Variants in PRSS35 observed in about 807,000 individuals in gnomAD.
The protein encoded by PRSS35 is inactive serine protease 35.
A neutral mutation model predicts 8.1 loss-of-function variants in PRSS35; 7 were observed. The observed-to-expected ratio is 0.86, with a 90% CI of 0.49 to 1.62. PRSS35 has a LOEUF of 1.62. Ranked by LOEUF, PRSS35 falls within the 40% of genes most tolerant of loss-of-function variation. The pLI, the probability that PRSS35 is intolerant of heterozygous loss-of-function variation, is 0.00. For synonymous variants in PRSS35, 199 were observed against 188.7 expected, an observed-to-expected ratio of 1.05 and a Z score of -0.45; for missense variants, 566 against 518.0, an observed-to-expected ratio of 1.09 and a Z score of -0.90.
chr6:83,522,833 A>G (rs1327928372), intron 1 of PRSS35, among the ~76,000 whole-genome samples: 1 of 151,864 alleles, frequency 6.6e-6, no homozygotes, highest in Non-Finnish European at 1.5e-5. Context: ...ACTGCTTTAA[A>G]ACATTATCCA....
chr6:83,521,502 C>A (rs1771820760), intron 1 of PRSS35, among the ~76,000 whole-genome samples: 1 of 141,894 alleles, frequency 7.0e-6, no homozygotes, highest in Non-Finnish European at 1.5e-5. Flanking sequence ...CCTTCCCTTC[C>A]CTCACCTCCC....
intron 1 of PRSS35, among the ~76,000 whole-genome samples, chr6:83,518,294 T>C (rs1771758721): frequency 6.6e-6 from 1 of 152,212 alleles, no homozygotes; most frequent in Non-Finnish European, 1.5e-5. Flanking sequence ...ATACTCTAGA[T>C]AGACTCACTC....
chr6:83,516,868 C>G (rs1366458857), intron 1 of PRSS35, among the ~76,000 whole-genome samples: 1 of 152,106 alleles, frequency 6.6e-6, no homozygotes, highest in Non-Finnish European at 1.5e-5. Flanking sequence ...TTGGACCCAC[C>G]TGGATAACCC....
At chr6:83,517,313 T>C (rs1384290347) in intron 1 of PRSS35, among the ~76,000 whole-genome samples, 1 of 152,184 alleles carries the variant, frequency 6.6e-6, no homozygotes, top group Non-Finnish European at 1.5e-5. Flanking sequence ...TACTCCCCTT[T>C]TTTATTACGT....
In PRSS35 at chr6:83,514,136, C is replaced by T. The variant is rs140554804; in HGVS notation, c.-21+1442C>T. 6.6e-5 allele frequency among the ~76,000 whole-genome samples: 10 copies of T among 152,232 alleles called. No homozygotes were observed. The South Asian group carries it at 1.0e-3, about 16-fold the overall frequency. The stretch of plus-strand genomic sequence containing the variant: ...TGTGGGTTAGCTAAAAACATTGTGA[C>T]CATAGATGCTTTAAAACCTGAAAAG... On this transcript the variant is annotated intron_variant, in intron 1 of 1. Coordinates refer to ENST00000369700, the MANE Select transcript of PRSS35 (RefSeq NM_153362.3).
rs999283254 is a variant in PRSS35 at position 83,521,346 on chromosome 6, A to G, written c.-20-2076A>G. ...ATAAACTTGATGAAATACTATTGAGAAAAATTGCATAGAAGACAAAATAAA... is the reference window on the plus strand; with the variant it reads ...ATAAACTTGATGAAATACTATTGAGGAAAATTGCATAGAAGACAAAATAAA... On this transcript the variant is annotated intron_variant, in intron 1 of 1. Transcript: ENST00000369700. Among the ~76,000 whole-genome samples, 6 of 152,098 alleles carry G rather than the reference A, an allele frequency of 3.9e-5. No homozygotes were observed. In the East Asian group the frequency reaches 9.6e-4, roughly 24 times the overall value.
At chr6:83,513,941 G>A (rs1350474728) in intron 1 of PRSS35, among the ~76,000 whole-genome samples, 1 of 152,160 alleles carries the variant, frequency 6.6e-6, no homozygotes, top group African/African-American at 2.4e-5. Context: ...TTAACAGTAG[G>A]ATCAGACTCA....
Position 83,524,191 on chromosome 6 carries a change from G to T in PRSS35, c.750G>T (p.Gln250His). ...QRIAEGRPSF[Q>H]WTRVKNTHIP... is the part of the protein sequence containing the mutation. ...TTGCCGAAGGGAGGCCTTCCTTTCA[G>T]TGGACCCGGGTCAAGAATACCCACA... Residue 250 changes from glutamine to histidine, a missense_variant, in exon 2 of 2, where the codon CAG (glutamine) becomes CAT (histidine). Transcript: ENST00000369700. 1 of 1,614,130 alleles carries T rather than the reference G, an allele frequency of 6.2e-7. No homozygotes were observed. Among genetic ancestry groups the T allele is most frequent in the Non-Finnish European group, 8.5e-7 (1 of 1,180,024 alleles).
In PRSS35 at chr6:83,525,698, C is replaced by T. The variant is rs1469902963; in HGVS notation, c.*1015C>T. 2 of 166,786 alleles carry T rather than the reference C, an allele frequency of 1.2e-5. No homozygotes were observed. Among genetic ancestry groups the T allele is most frequent in the Non-Finnish European group, 2.9e-5 (2 of 68,110 alleles). The allele number at this position is 166,786 out of a possible 1,614,324, so 10.3% of individuals were successfully genotyped here. ...AAATGAATAAAATTTATGAATATGA[C>T]TTAAAAGAAGGGTCTGGTTATTTTC... On this transcript the variant is annotated 3_prime_UTR_variant, in exon 2 of 2. Coordinates refer to ENST00000369700, the MANE Select transcript of PRSS35 (RefSeq NM_153362.3).
rs1271903739 is a variant in PRSS35 at position 83,524,863 on chromosome 6, A to G, written c.*180A>G. On this transcript the variant is annotated 3_prime_UTR_variant, in exon 2 of 2. Coordinates refer to ENST00000369700, the MANE Select transcript of PRSS35 (RefSeq NM_153362.3). ...AAAATGTATAGGTGCAGATATTGAA[A>G]CTAGGTGGGCACTTCAATGCCAAGT... The G allele has an allele frequency of 2.6e-5, 17 of 652,678 alleles. No individual in the cohort carries two copies. Among genetic ancestry groups the G allele is most frequent in the Non-Finnish European group, 4.4e-5 (17 of 390,770 alleles). The allele number at this position is 652,678 out of a possible 1,614,324, so 40.4% of individuals were successfully genotyped here. A position where few individuals can be genotyped will look rare whatever the true frequency, so the allele number is the denominator to read the frequency against.
rs1771886407 is a variant in PRSS35 at position 83,524,244 on chromosome 6, T to C, written c.803T>C (p.Met268Thr). The change falls in exon 2 of 2, where the codon ATG becomes ACG. Residue 268 changes from methionine (M) to threonine (T), a missense_variant. Physicochemically the swap from Met to Thr is moderately conservative, Grantham distance 81. Transcript: ENST00000369700. ...HIPKGWARGG[M>T]GDATLDYDYA... ...CCGAAGGGCTGGGCACGAGGAGGCA[T>C]GGGGGACGCTACCTTGGACTATGAC... is the stretch of plus-strand genomic sequence containing the variant. The C allele has an allele frequency of 6.2e-7, 1 of 1,614,030 alleles. No homozygotes were observed. The highest frequency in any genetic ancestry group is 1.3e-5 in the African/African-American group (1 of 74,998).
At chr6:83,521,609 A>C (rs1043185809) in intron 1 of PRSS35, among the ~76,000 whole-genome samples, 2 of 151,696 alleles carry the variant, frequency 1.3e-5, no homozygotes, top group Non-Finnish European at 2.9e-5. Flanking sequence ...TCCTGGGTTC[A>C]AGCGATCCTG....
rs748129041 is a variant in PRSS35, at chr6:83,524,199, G to A, written c.758G>A (p.Arg253Gln). ...GGGAGGCCTTCCTTTCAGTGGACCC[G>A]GGTCAAGAATACCCACATTCCGAAG... ...AEGRPSFQWTRVKNTHIPKGW... is the reference protein window; with the variant it reads ...AEGRPSFQWTQVKNTHIPKGW... The change falls in exon 2 of 2, where the codon CGG (arginine) becomes CAG (glutamine). Residue 253 changes from arginine to glutamine, a missense_variant. Transcript: ENST00000369700. 3.0e-5 allele frequency: 48 copies of A among 1,613,978 alleles called. No homozygotes were observed. Among genetic ancestry groups the A allele is most frequent in the Non-Finnish European group, 4.0e-5 (47 of 1,180,022 alleles).
At chr6:83,517,158 T>C (rs982911907) in intron 1 of PRSS35, among the ~76,000 whole-genome samples, 1 of 152,206 alleles carries the variant, frequency 6.6e-6, no homozygotes, top group Non-Finnish European at 1.5e-5. Flanking sequence ...TCAAATATTA[T>C]CTCTATCTAA....
chr6:83,516,173 T>C (rs1406843475), intron 1 of PRSS35, among the ~76,000 whole-genome samples: 1 of 152,206 alleles, frequency 6.6e-6, no homozygotes, highest in Non-Finnish European at 1.5e-5. Flanking sequence ...AACTCGATTC[T>C]CACCTTTGTA....
Position 83,523,478 on chromosome 6 carries a change from C to A in PRSS35, c.37C>A (p.Pro13Thr), listed in dbSNP as rs992724872. The A allele has an allele frequency of 5.0e-6, 8 of 1,613,924 alleles. No individual in the cohort carries two copies. The highest frequency in any genetic ancestry group is 6.8e-6 in the Non-Finnish European group (8 of 1,179,988). ...GCTGCTTTGGTTGATATTTTTCACCCCTGGGTGGACCCTCATTGATGGATC... is the reference window on the plus strand; with the variant it reads ...GCTGCTTTGGTTGATATTTTTCACCACTGGGTGGACCCTCATTGATGGATC... ...NMLLWLIFFT[P>T]GWTLIDGSEM... Residue 13 changes from proline (P) to threonine (T), a missense_variant, in exon 2 of 2, where the codon CCT becomes ACT. Physicochemically the swap from Pro to Thr is conservative, Grantham distance 38 (BLOSUM62 -1). Transcript: ENST00000369700.
intron 1 of PRSS35, among the ~76,000 whole-genome samples, chr6:83,517,859 G>A (rs1771750977): frequency 6.6e-6 from 1 of 152,178 alleles, no homozygotes; most frequent in Admixed American, 6.5e-5. Flanking sequence ...GGGTGGTGTT[G>A]GCCCTATGGG....
At chr6:83,520,224 C>A (rs930657593) in intron 1 of PRSS35, among the ~76,000 whole-genome samples, 6 of 152,098 alleles carry the variant, frequency 3.9e-5, no homozygotes, top group Admixed American at 3.9e-4. Flanking sequence ...ATTTAAAACC[C>A]GGGTAAGCCA....
At chr6:83,515,152 T>C (rs1771688772) in intron 1 of PRSS35, among the ~76,000 whole-genome samples, 1 of 152,324 alleles carries the variant, frequency 6.6e-6, no homozygotes, top group South Asian at 2.1e-4. Flanking sequence ...AAATTACTTG[T>C]GTTTTCTCAT....
Sources: gnomAD v4.1 joint callset for allele counts (sites outside exome capture counted in the v4.1 genomes callset) on GRCh38, gnomAD v4.1.1 for gene constraint, MANE v1.5 for transcripts, NCBI Gene and HGNC (gene_info 2026-07-23, HGNC 2026-07-21) for gene names.